The following ABCB1 variants were observed in gnomAD, a reference collection of about 807,000 sequenced individuals.
ABCB1 encodes ATP-dependent translocase ABCB1.
Under a neutral mutation model 142.0 loss-of-function variants are expected in ABCB1, and 69 were observed. The observed-to-expected ratio is 0.49, with a 90% confidence interval of 0.40 to 0.59. ABCB1 has a LOEUF of 0.59. ABCB1 is among the 20% of genes least tolerant of loss of function. ABCB1 has a pLI of 0.00. For missense variants in ABCB1, 1,326 were observed against 1,554.7 expected, an observed-to-expected ratio of 0.85 and a Z score of 2.47; for synonymous variants, 532 against 539.2, an observed-to-expected ratio of 0.99 and a Z score of 0.18.
intron 1 of ABCB1, among the ~76,000 whole-genome samples, chr7:87,612,651 T>A (rs1338878641): frequency 6.6e-6 from 1 of 152,194 alleles, no homozygotes; most frequent in Non-Finnish European, 1.5e-5. Context: ...CCATGCTGTT[T>A]TGGTTACTAT....
intron 26 of ABCB1, 25 bp downstream of exon 26, chr7:87,509,250 G>T (rs28401808): frequency 1.2e-5 from 19 of 1,611,564 alleles, no homozygotes; most frequent in Non-Finnish European, 1.6e-5. Context: ...ATGCTCCCAG[G>T]CTGTTTATTT....
intron 18 of ABCB1, among the ~76,000 whole-genome samples, chr7:87,540,229 A>T (rs1406091974): frequency 6.6e-6 from 1 of 152,210 alleles, no homozygotes; most frequent in African/African-American, 2.4e-5. Context: ...TTAATAAGTG[A>T]TTACCTACTA....
intron 3 of ABCB1, among the ~76,000 whole-genome samples, 156 bp from the exon 4 acceptor site, chr7:87,585,836 G>A (rs1380396551): frequency 6.6e-6 from 1 of 152,120 alleles, no homozygotes; most frequent in East Asian, 1.9e-4. Flanking sequence ...CTAAATTATT[G>A]CAATAGTCTA....
intron 22 of ABCB1, among the ~76,000 whole-genome samples, chr7:87,520,041 T>G (rs1220475682): frequency 6.6e-6 from 1 of 152,038 alleles, no homozygotes; most frequent in Non-Finnish European, 1.5e-5. Context: ...GGGTTGACAT[T>G]CTAGAATCAT....
chr7:87,507,699 C>T (rs6978925), intron 26 of ABCB1, among the ~76,000 whole-genome samples: 34,455 of 151,822 alleles, frequency 0.23, 4,087 homozygotes, highest in Admixed American at 0.29. Context: ...AAACTGTCTT[C>T]CCCGCCGGGT....
chr7:87,561,412 C>G lies in ABCB1; in HGVS notation c.703-25G>C, dbSNP rs774401673. The G allele has an allele frequency of 1.9e-6, 3 of 1,594,348 alleles. No individual in the cohort carries two copies. In the East Asian group the frequency reaches 6.7e-5, roughly 36 times the overall value. On this transcript the variant is annotated intron_variant, in intron 7 of 27. Transcript: ENST00000622132. Reference sequence around the variant, plus strand: ...TCTGTTTAAAAATACAATTTTGGATCATGAAAAAAACACGTTAATTTTATC... The same window carrying G: ...TCTGTTTAAAAATACAATTTTGGATGATGAAAAAAACACGTTAATTTTATC...
intron 1 of ABCB1, among the ~76,000 whole-genome samples, chr7:87,703,717 A>G (rs1182117880): frequency 1.3e-5 from 2 of 151,742 alleles, no homozygotes; most frequent in African/African-American, 4.8e-5. Flanking sequence ...TTGTTATTAC[A>G]TATTAACAGA....
At chr7:87,575,369 C>T (rs1448374634) in intron 4 of ABCB1, among the ~76,000 whole-genome samples, 2 of 152,158 alleles carry the variant, frequency 1.3e-5, no homozygotes, top group Admixed American at 1.3e-4. Context: ...TGCCAGGCAT[C>T]ATTCCAGACA....
intron 3 of ABCB1, among the ~76,000 whole-genome samples, chr7:87,586,084 A>T (rs1459667281): frequency 6.6e-6 from 1 of 152,234 alleles, no homozygotes; most frequent in Non-Finnish European, 1.5e-5. Flanking sequence ...ACCATGGAGG[A>T]AACATTGTGT....
rs1195661619 is a variant in ABCB1, at chr7:87,626,450, TATATATGTGTC to T, written c.-330-25383_-330-25373del. ...ATATGTATGTGTCATATATGTGTCA[TATATATGTGTC>T]ATATATGTGTCATATATATGTGTCA... On this transcript the variant is annotated intron_variant, in intron 1 of 28. Transcript: ENST00000265724. Among the ~76,000 whole-genome samples the T allele has an allele frequency of 5.3e-4, 10 of 18,786 alleles. 3 individuals are homozygous for T. The highest frequency in any genetic ancestry group is 7.0e-3 in the South Asian group (2 of 286). The allele number at this position is 18,786 out of a possible 152,430, so 12.3% of individuals were successfully genotyped here.
intron 21 of ABCB1, among the ~76,000 whole-genome samples, chr7:87,530,442 G>C (rs1731693702): frequency 6.6e-6 from 1 of 152,072 alleles, no homozygotes; most frequent in Non-Finnish European, 1.5e-5. Context: ...TGACCTGCCT[G>C]TGCCTCAGCC....
chr7:87,581,623 A>G (rs1416319830), intron 4 of ABCB1, among the ~76,000 whole-genome samples: 3 of 152,192 alleles, frequency 2.0e-5, no homozygotes, highest in Non-Finnish European at 4.4e-5. Flanking sequence ...GCAGAACAAA[A>G]GCTGATGTCT....
At chr7:87,553,463 G>T (rs2235027) in intron 9 of ABCB1, among the ~76,000 whole-genome samples, 72,220 of 151,282 alleles carry the variant, frequency 0.48, 17,308 homozygotes, top group Admixed American at 0.51. Context: ...TGGGACTACA[G>T]GCGCCCGCCA....
intron 1 of ABCB1, among the ~76,000 whole-genome samples, chr7:87,643,630 C>T (rs889669968): frequency 6.6e-6 from 1 of 151,848 alleles, no homozygotes; most frequent in Non-Finnish European, 1.5e-5. Context: ...AAGCAATTTT[C>T]CTGCCTCAGC....
chr7:87,543,563 T>C (rs1816637439), intron 17 of ABCB1, among the ~76,000 whole-genome samples: 1 of 152,152 alleles, frequency 6.6e-6, no homozygotes, highest in South Asian at 2.1e-4. Context: ...GAGCATTCCT[T>C]TCAGATTGTA....
chr7:87,595,687 A>T, intron 3 of ABCB1, 79 bp downstream of exon 3: 1 of 1,183,070 alleles, frequency 8.5e-7, no homozygotes, highest in South Asian at 1.2e-5. Flanking sequence ...ATCTTACATC[A>T]GATGAAATAT....
chr7:87,708,874 A>G (rs1239369874), intron 1 of ABCB1, among the ~76,000 whole-genome samples: 1 of 152,198 alleles, frequency 6.6e-6, no homozygotes. Context: ...ATAAAGCTCT[A>G]AAACAGGGCT....
intron 3 of ABCB1, among the ~76,000 whole-genome samples, chr7:87,593,453 T>C (rs1011726036): frequency 1.3e-5 from 2 of 152,206 alleles, no homozygotes; most frequent in Non-Finnish European, 2.9e-5. Flanking sequence ...TGGAAATAAA[T>C]TAACAGACAT....
chr7:87,633,294 T>A (rs2130212748), intron 1 of ABCB1, among the ~76,000 whole-genome samples: 1 of 152,320 alleles, frequency 6.6e-6, no homozygotes, highest in Non-Finnish European at 1.5e-5. Context: ...ATATTTACAA[T>A]ATTTTGGATG....
Sources: gnomAD v4.1 joint callset for allele counts (sites outside exome capture counted in the v4.1 genomes callset) on GRCh38, gnomAD v4.1.1 for gene constraint, MANE v1.5 for transcripts, NCBI Gene and HGNC (gene_info 2026-07-23, HGNC 2026-07-21) for gene names.